FABP6: variants seen among roughly 807,000 people sequenced by gnomAD.
FABP6 encodes fatty acid binding protein 6.
FABP6 carries 13 observed loss-of-function variants against 14.9 expected under a neutral mutation model. That is an observed-to-expected ratio of 0.87 (90% confidence interval 0.57 to 1.39). FABP6 has a LOEUF of 1.39. FABP6 is among the 40% of genes most tolerant of loss of function. The pLI is 0.00. For synonymous variants in FABP6, 75 were observed against 63.6 expected (o/e 1.18, Z -0.85); for missense variants, 161 against 167.2 (o/e 0.96, Z 0.20).
chr5:160,189,393 C>T (rs1176067073), intron 1 of FABP6, among the ~76,000 whole-genome samples: 1 of 152,090 alleles, frequency 6.6e-6, no homozygotes, highest in South Asian at 2.1e-4. Flanking sequence ...AGGCGCCCAC[C>T]ACCACACCCG....
rs557903603 is a variant in FABP6, at chr5:160,219,949, G to T, written c.135+6130G>T. On this transcript the variant is annotated intron_variant, in intron 3 of 6. Coordinates refer to the FABP6 transcript ENST00000393980. Reference sequence around the variant, plus strand: ...CCTCCCTTCCTACATCCCCAGTAGCGTATGAACACAGCCTTACAGCCTATT... The same window carrying T: ...CCTCCCTTCCTACATCCCCAGTAGCTTATGAACACAGCCTTACAGCCTATT... 7.2e-5 allele frequency among the ~76,000 whole-genome samples: 11 copies of T among 152,170 alleles called. No homozygotes were observed. In the East Asian group the frequency reaches 1.3e-3, roughly 19 times the overall value.
intron 3 of FABP6, among the ~76,000 whole-genome samples, chr5:160,220,421 G>A (rs1760105325): frequency 6.6e-6 from 1 of 151,990 alleles, no homozygotes; most frequent in African/African-American, 2.4e-5. Context: ...ACAAGCCTGG[G>A]TAACAAGTGA....
intron 2 of FABP6, among the ~76,000 whole-genome samples, chr5:160,210,676 C>T (rs903119426): frequency 1.6e-4 from 25 of 152,224 alleles, no homozygotes; most frequent in African/African-American, 2.4e-4. Context: ...GGAGCAGCCA[C>T]GTCTCAGCCT....
At chr5:160,207,172 A>G (rs1233796699) in intron 2 of FABP6, among the ~76,000 whole-genome samples, 1 of 152,260 alleles carries the variant, frequency 6.6e-6, no homozygotes, top group African/African-American at 2.4e-5. Flanking sequence ...GCAGAAACTG[A>G]GGATATGACA....
intron 1 of FABP6, among the ~76,000 whole-genome samples, chr5:160,190,790 A>G (rs1384343764): frequency 1.3e-5 from 2 of 152,088 alleles, no homozygotes; most frequent in Non-Finnish European, 2.9e-5. Flanking sequence ...AAACCATAGA[A>G]TGCTTTGGAA....
At chr5:160,187,587 C>T (rs1580891635) in intron 1 of FABP6, 1 of 152,236 alleles carries the variant, frequency 6.6e-6, no homozygotes, top group East Asian at 1.9e-4. Context: ...CGAGTCAGAT[C>T]AGGAGTAGAG....
chr5:160,217,975 G>A (rs1417428890), intron 3 of FABP6, among the ~76,000 whole-genome samples: 1 of 152,112 alleles, frequency 6.6e-6, no homozygotes, highest in Non-Finnish European at 1.5e-5. Context: ...GTCTTGCTCT[G>A]TCACCCAGGA....
chr5:160,214,147 C>CTTT (rs1241045778), intron 3 of FABP6, among the ~76,000 whole-genome samples: 3 of 137,638 alleles, frequency 2.2e-5, no homozygotes, highest in African/African-American at 8.4e-5. Flanking sequence ...TTCTTTCTTT[C>CTTT]TTTCTTTCTT....
intron 1 of FABP6, among the ~76,000 whole-genome samples, chr5:160,190,660 G>A (rs1440557103): frequency 1.3e-5 from 2 of 152,142 alleles, no homozygotes; most frequent in African/African-American, 2.4e-5. Context: ...AGTTGCATGG[G>A]CCCTAAGTCT....
chr5:160,216,487 C>T (rs1200846007), intron 3 of FABP6, among the ~76,000 whole-genome samples: 1 of 151,904 alleles, frequency 6.6e-6, no homozygotes, highest in Non-Finnish European at 1.5e-5. Flanking sequence ...AGGTTGGTCT[C>T]GAACTCCTGA....
At chr5:160,190,027 T>C (rs1759364435) in intron 1 of FABP6, among the ~76,000 whole-genome samples, 1 of 152,200 alleles carries the variant, frequency 6.6e-6, no homozygotes, top group Non-Finnish European at 1.5e-5. Flanking sequence ...AGGTTTGAAC[T>C]GGCTGTATTA....
chr5:160,232,187 C>A lies in FABP6; in HGVS notation c.157C>A (p.His53Asn). The A allele has an allele frequency of 6.2e-7, 1 of 1,613,756 alleles. No homozygotes were observed. Among genetic ancestry groups the A allele is most frequent in the South Asian group, 1.1e-5 (1 of 90,978 alleles). ...TGGGCAGGACTTCACTTGGTCCCAG[C>A]ACTACTCCGGGGGCCACACCATGAC... The part of the protein sequence containing the change: ...QDGQDFTWSQ[H>N]YSGGHTMTNK... Residue 53 changes from histidine to asparagine, a missense_variant, in exon 2 of 4, where the codon CAC (histidine) becomes AAC (asparagine). By Grantham distance (68) the His-to-Asn change is moderately conservative (BLOSUM62 1). Transcript: ENST00000402432.
At chr5:160,238,041 C>T (rs758190429) in intron 3 of FABP6, among the ~76,000 whole-genome samples, 2 of 152,160 alleles carry the variant, frequency 1.3e-5, no homozygotes, top group Non-Finnish European at 2.9e-5. Flanking sequence ...GACACGTGCA[C>T]ATCCAATGGC....
chr5:160,224,177 A>G (rs1237939410), intron 3 of FABP6, among the ~76,000 whole-genome samples: 2 of 152,162 alleles, frequency 1.3e-5, no homozygotes, highest in South Asian at 2.1e-4. Context: ...TGAAGCTTGC[A>G]GTGAACTGAG....
intron 2 of FABP6, among the ~76,000 whole-genome samples, chr5:160,213,246 C>T (rs1451405714): frequency 6.6e-6 from 1 of 152,216 alleles, no homozygotes; most frequent in African/African-American, 2.4e-5. Context: ...AAGGCCAGTA[C>T]TCATGTCCCG....
At position 160,209,270 on chromosome 5, in the gene FABP6, A is replaced by G. The variant is rs150221492; in HGVS notation, c.52-4466A>G. ...GGTGGCTCATGCCTATAATCCCAGA[A>G]CCTTGGGAGGCCAAGGCAGGCAAAT... is the stretch of plus-strand genomic sequence containing the variant. On this transcript the variant is annotated intron_variant, in intron 2 of 6. Transcript: ENST00000393980. Among the ~76,000 whole-genome samples the G allele has an allele frequency of 7.0e-3, 1,066 of 151,852 alleles. 13 individuals carry two copies. Among genetic ancestry groups the G allele is most frequent in the African/African-American group, 0.024 (1,007 of 41,420 alleles).
At chr5:160,224,804 G>GAT (rs1760207020), upstream of FABP6, among the ~76,000 whole-genome samples, 1 of 146,022 alleles carries the variant, frequency 6.8e-6, no homozygotes, top group African/African-American at 2.6e-5. Flanking sequence ...TTTTGAGACA[G>GAT]TCTTACTCTG....
At chr5:160,209,749 C>A (rs1759848030) in intron 2 of FABP6, among the ~76,000 whole-genome samples, 1 of 151,986 alleles carries the variant, frequency 6.6e-6, no homozygotes, top group South Asian at 2.1e-4. Context: ...GGGGGTCTCA[C>A]TATGTTGCCT....
rs557751994 is a variant in FABP6 at position 160,238,120 on chromosome 5, C to T, written c.334-486C>T. ...GGCCTTCAAAGAACAGCATCCCCCC[C>T]GCCTGCCTCTCCCACTAAACCTTAG... On this transcript the variant is annotated intron_variant, in intron 3 of 3. Coordinates refer to ENST00000402432, the MANE Select transcript of FABP6 (RefSeq NM_001445.3). Among the ~76,000 whole-genome samples, 8 of 152,272 alleles carry T rather than the reference C, an allele frequency of 5.3e-5. No individual in the cohort carries two copies. The East Asian group carries it at 7.7e-4, about 15-fold the overall frequency.
Sources: allele counts gnomAD v4.1 joint callset (sites outside exome capture counted in the v4.1 genomes callset), GRCh38; gene constraint gnomAD v4.1.1; transcripts MANE v1.5; gene names NCBI Gene and HGNC (gene_info 2026-07-23, HGNC 2026-07-21).